Variants in RBFOX1 observed in about 807,000 individuals in gnomAD.
RBFOX1 encodes RNA binding fox-1 homolog 1.
RBFOX1 carries 8 observed loss-of-function variants against 57.7 expected under a neutral mutation model. The observed-to-expected ratio is 0.14, with a 90% CI of 0.08 to 0.25. The LOEUF (loss-of-function observed/expected upper bound fraction) is 0.25. RBFOX1 is among the 10% of genes least tolerant of loss of function. RBFOX1 has a pLI of 1.00. For synonymous variants in RBFOX1, 326 were observed against 222.4 expected (o/e 1.47, Z -4.15); for missense variants, 611 against 548.5 (o/e 1.11, Z -1.14).
At chr16:7,458,745 T>C (rs2059006873) in intron 4 of RBFOX1, among the ~76,000 whole-genome samples, 1 of 152,170 alleles carries the variant, frequency 6.6e-6, no homozygotes, top group Non-Finnish European at 1.5e-5. Context: ...CCTTTTCAGA[T>C]AAGACCTCCT....
chr16:7,340,953 C>T (rs1367979887), intron 4 of RBFOX1, among the ~76,000 whole-genome samples: 1 of 152,124 alleles, frequency 6.6e-6, no homozygotes, highest in African/African-American at 2.4e-5. Context: ...TGGCACAGGG[C>T]AGGGAGGGTT....
chr16:7,176,455 T>C (rs910822573), intron 4 of RBFOX1, among the ~76,000 whole-genome samples: 1 of 152,090 alleles, frequency 6.6e-6, no homozygotes, highest in Non-Finnish European at 1.5e-5. Flanking sequence ...CTATTATGTG[T>C]ACGAGGTATC....
intron 4 of RBFOX1, among the ~76,000 whole-genome samples, chr16:5,870,859 A>T (rs1044747388): frequency 6.6e-6 from 1 of 151,998 alleles, no homozygotes; most frequent in Non-Finnish European, 1.5e-5. Context: ...TTCTCAAATG[A>T]CTTTCTTTCC....
chr16:5,659,524 CA>C (rs1459038239), intron 3 of RBFOX1, among the ~76,000 whole-genome samples: 1 of 152,034 alleles, frequency 6.6e-6, no homozygotes, highest in Non-Finnish European at 1.5e-5. Context: ...AGGATGGCCT[CA>C]GTCTCCTGAC....
rs372288606 is a variant in RBFOX1 at position 6,740,938 on chromosome 16, G to A, written c.-16+86288G>A. On this transcript the variant is annotated intron_variant, in intron 3 of 15. Transcript: ENST00000550418. ...ACACAATTTTGAAAAATAAGAATCA[G>A]GTGGGACAAACCAGTCTACCTAGTT... Among the ~76,000 whole-genome samples the A allele has an allele frequency of 7.2e-5, 11 of 152,258 alleles. No individual in the cohort carries two copies. The South Asian group carries it at 1.5e-3, about 20-fold the overall frequency.
At chr16:6,646,869 C>G (rs556519097) in intron 2 of RBFOX1, among the ~76,000 whole-genome samples, 18 of 152,182 alleles carry the variant, frequency 1.2e-4, no homozygotes, top group African/African-American at 4.3e-4. Flanking sequence ...GCAGAGACTT[C>G]AGCCATTAAT....
intron 4 of RBFOX1, among the ~76,000 whole-genome samples, chr16:7,090,689 A>C (rs780250229): frequency 6.6e-6 from 1 of 152,198 alleles, no homozygotes; most frequent in Non-Finnish European, 1.5e-5. Context: ...GGGGAAAGAA[A>C]GTTGAGTTCT....
chr16:7,518,074 T>C, intron 4 of RBFOX1, 73 bp from the exon 5 acceptor site: 1 of 1,533,266 alleles, frequency 6.5e-7, no homozygotes, highest in Non-Finnish European at 8.8e-7. Context: ...CGTCCTGGGA[T>C]CTGGGAGGAA....
At chr16:6,867,473 C>G (rs1330510228) in intron 3 of RBFOX1, among the ~76,000 whole-genome samples, 3 of 151,966 alleles carry the variant, frequency 2.0e-5, no homozygotes, top group Non-Finnish European at 4.4e-5. Context: ...AATTCCAGCA[C>G]TTTGGGGGGC....
chr16:6,834,796 A>G (rs565046621), intron 3 of RBFOX1, among the ~76,000 whole-genome samples: 26 of 152,008 alleles, frequency 1.7e-4, no homozygotes, highest in Admixed American at 1.4e-3. Flanking sequence ...AGTCATTCTT[A>G]AATGTTTTCT....
chr16:6,753,653 C>T (rs1460963698), intron 3 of RBFOX1, among the ~76,000 whole-genome samples: 1 of 152,178 alleles, frequency 6.6e-6, no homozygotes, highest in Non-Finnish European at 1.5e-5. Context: ...ACGTACTTCT[C>T]GCCTGCCTTC....
chr16:7,154,983 T>A (rs1214336788), intron 4 of RBFOX1, among the ~76,000 whole-genome samples: 1 of 152,138 alleles, frequency 6.6e-6, no homozygotes. Flanking sequence ...AATAATATTT[T>A]GACTTGAATT....
intron 2 of RBFOX1, among the ~76,000 whole-genome samples, chr16:6,539,603 G>A (rs974285873): frequency 2.0e-5 from 3 of 151,994 alleles, no homozygotes; most frequent in Non-Finnish European, 4.4e-5. Context: ...TTCAAGACCA[G>A]CCTGCCCTAC....
At chr16:6,128,617 C>T (rs182318303) in intron 1 of RBFOX1, among the ~76,000 whole-genome samples, 3 of 152,284 alleles carry the variant, frequency 2.0e-5, no homozygotes, top group Non-Finnish European at 2.9e-5. Context: ...GAAGTGGAAT[C>T]GTTTTGGGGT....
chr16:7,598,633 G>A (rs2094838901), intron 9 of RBFOX1, among the ~76,000 whole-genome samples: 1 of 152,034 alleles, frequency 6.6e-6, no homozygotes, highest in Non-Finnish European at 1.5e-5. Context: ...GTTTTATTTT[G>A]CGTATTCATG....
chr16:5,313,273 G>GCCCCTCCCCA (rs2064141369), intron 1 of RBFOX1, among the ~76,000 whole-genome samples: 1 of 152,090 alleles, frequency 6.6e-6, no homozygotes, highest in South Asian at 2.1e-4. Flanking sequence ...AGTCCTCTGG[G>GCCCCTCCCCA]AGGTCTCAAA....
chr16:6,994,295 C>T (rs2091944792), intron 3 of RBFOX1, among the ~76,000 whole-genome samples: 1 of 152,138 alleles, frequency 6.6e-6, no homozygotes, highest in South Asian at 2.1e-4. Context: ...ATGAAGCCAT[C>T]TTCATCTTAA....
chr16:7,522,776 T>C (rs1244494149), intron 5 of RBFOX1, among the ~76,000 whole-genome samples: 5 of 152,100 alleles, frequency 3.3e-5, no homozygotes, highest in Non-Finnish European at 7.4e-5. Context: ...TAAGAAGGAA[T>C]AGGATCAAGA....
At chr16:7,215,102 C>T (rs768770710) in intron 4 of RBFOX1, among the ~76,000 whole-genome samples, 17 of 152,224 alleles carry the variant, frequency 1.1e-4, no homozygotes, top group Non-Finnish European at 1.8e-4. Flanking sequence ...TGTTCGCCTC[C>T]CTACGTCCAT....
Sources: gnomAD v4.1 joint callset for allele counts (sites outside exome capture counted in the v4.1 genomes callset) on GRCh38, gnomAD v4.1.1 for gene constraint, MANE v1.5 for transcripts, NCBI Gene and HGNC (gene_info 2026-07-23, HGNC 2026-07-21) for gene names.